OR6N1: variants seen among roughly 807,000 people sequenced by gnomAD.
OR6N1 encodes the protein olfactory receptor family 6 subfamily N member 1.
For synonymous variants in OR6N1, 170 were observed against 150.7 expected (o/e 1.13, Z -0.94); for missense variants, 394 against 371.7 (o/e 1.06, Z -0.49).
chr1:158,818,901 G>A, the OR6N1 span, among the ~76,000 whole-genome samples: 1 of 152,150 alleles, frequency 6.6e-6, no homozygotes, highest in Non-Finnish European at 1.5e-5. Flanking sequence ...GAACATGAGA[G>A]CTAGACTTAT....
the OR6N1 span, among the ~76,000 whole-genome samples, chr1:158,799,419 G>A: frequency 5.3e-5 from 8 of 152,172 alleles, no homozygotes; most frequent in African/African-American, 7.2e-5. Flanking sequence ...GGTCATTCAA[G>A]TGAAAGGTCA....
At chr1:158,816,982 G>A in the OR6N1 span, among the ~76,000 whole-genome samples, 1 of 152,146 alleles carries the variant, frequency 6.6e-6, no homozygotes, top group African/African-American at 2.4e-5. Flanking sequence ...TGAATCTAGG[G>A]TTGAATTTAT....
chr1:158,835,553 A>C, the OR6N1 span, among the ~76,000 whole-genome samples: 1 of 128,782 alleles, frequency 7.8e-6, no homozygotes, highest in South Asian at 2.3e-4. Flanking sequence ...AAAGAGAGAG[A>C]ATTTACCTTT....
chr1:158,786,003 T>C, the OR6N1 span, among the ~76,000 whole-genome samples: 6 of 151,814 alleles, frequency 4.0e-5, no homozygotes, highest in Non-Finnish European at 8.8e-5. Flanking sequence ...CAAAAATAAA[T>C]ATATGGGACC....
the OR6N1 span, among the ~76,000 whole-genome samples, chr1:158,833,490 T>G: frequency 6.6e-6 from 1 of 152,170 alleles, no homozygotes; most frequent in African/African-American, 2.4e-5. Context: ...ACCATTCCCC[T>G]TTCCTCCAGA....
At chr1:158,810,264 G>T in the OR6N1 span, among the ~76,000 whole-genome samples, 1 of 152,042 alleles carries the variant, frequency 6.6e-6, no homozygotes, top group African/African-American at 2.4e-5. Flanking sequence ...TCATCTAGTT[G>T]TCTTCTTTGG....
chr1:158,835,896 T>G, the OR6N1 span, among the ~76,000 whole-genome samples: 1 of 152,010 alleles, frequency 6.6e-6, no homozygotes, highest in Admixed American at 6.6e-5. Context: ...GATCATTTTT[T>G]TTTTGTCTTT....
At chr1:158,834,326 G>A in the OR6N1 span, among the ~76,000 whole-genome samples, 1 of 148,030 alleles carries the variant, frequency 6.8e-6, no homozygotes, top group African/African-American at 2.5e-5. Context: ...TCCGCCTCCC[G>A]GGTTCACGCC....
At chr1:158,769,722 T>C (rs1040038720) in intron 1 of OR6N1, among the ~76,000 whole-genome samples, 4 of 152,220 alleles carry the variant, frequency 2.6e-5, no homozygotes, top group Non-Finnish European at 4.4e-5. Flanking sequence ...GTCCATCCCA[T>C]ATACAAAAGC....
chr1:158,799,584 C>T, the OR6N1 span, among the ~76,000 whole-genome samples: 18 of 152,276 alleles, frequency 1.2e-4, no homozygotes, highest in Middle Eastern at 3.4e-3. Context: ...TACCTACTAA[C>T]TAATGTTGAA....
intron 1 of OR6N1, among the ~76,000 whole-genome samples, chr1:158,768,952 G>A (rs1292511501): frequency 6.6e-6 from 1 of 151,974 alleles, no homozygotes; most frequent in African/African-American, 2.4e-5. Context: ...AGTTCCTTAA[G>A]GGCAAAGATT....
Position 158,764,867 on chromosome 1 carries a change from A to G in OR6N1, c.*877T>C, listed in dbSNP as rs1416202986. ...ATATTAGGACCACTAAGACAGGTAC[A>G]TGAAACTTGTCAGAACAGAACTGTG... On this transcript the variant is annotated 3_prime_UTR_variant, in exon 2 of 2. Transcript: ENST00000641846. The G allele has an allele frequency of 6.6e-6, 1 of 152,162 alleles. No individual in the cohort carries two copies. The highest frequency in any genetic ancestry group is 1.5e-5 in the Non-Finnish European group (1 of 68,000). 9.4% of individuals were successfully genotyped at this position (152,162 alleles called of 1,614,324 possible).
the OR6N1 span, chr1:158,795,940 C>T: frequency 0.017 from 2,601 of 152,374 alleles, 28 homozygotes; most frequent in Non-Finnish European, 0.028. Flanking sequence ...AATCTCTACA[C>T]ACCATTTTGT....
chr1:158,802,487 A>T, the OR6N1 span, among the ~76,000 whole-genome samples: 3 of 152,012 alleles, frequency 2.0e-5, no homozygotes, highest in Non-Finnish European at 4.4e-5. Context: ...TTTTCATGAG[A>T]AGAGACAATC....
the OR6N1 span, among the ~76,000 whole-genome samples, chr1:158,797,367 C>T: frequency 5.3e-5 from 8 of 152,134 alleles, no homozygotes; most frequent in African/African-American, 1.2e-4. Flanking sequence ...CATGACAAAT[C>T]GGGGGGAAAG....
At chr1:158,783,034 T>A in the OR6N1 span, among the ~76,000 whole-genome samples, 1 of 152,338 alleles carries the variant, frequency 6.6e-6, no homozygotes, top group Non-Finnish European at 1.5e-5. Context: ...TTGACAACGT[T>A]CCCTATTAGA....
At chr1:158,817,392 A>G in the OR6N1 span, among the ~76,000 whole-genome samples, 1 of 152,228 alleles carries the variant, frequency 6.6e-6, no homozygotes, top group Non-Finnish European at 1.5e-5. Flanking sequence ...TCATCTCAGA[A>G]GAGAAACTGC....
rs766768497 is a variant in OR6N1, at chr1:158,766,065, C to T, written c.618G>A (p.Lys206=). The T allele has an allele frequency of 6.2e-7, 1 of 1,614,180 alleles. No homozygotes were observed. The highest frequency in any genetic ancestry group is 2.2e-5 in the East Asian group (1 of 44,878). ...GGATCAGCAGGAAGGTGGCTAGGAT[C>T]TTGCAGGAATTTATAACAAAATCTA... is the stretch of plus-strand genomic sequence containing the variant. ...VLVDFVINSC[K]ILATFLLILC... Residue 206 remains lysine, a synonymous_variant, in exon 2 of 2, where the codon AAG becomes AAA. Coordinates refer to ENST00000641846, the MANE Select transcript of OR6N1 (RefSeq NM_001005185.2).
the OR6N1 span, among the ~76,000 whole-genome samples, chr1:158,794,841 G>A: frequency 7.2e-5 from 11 of 152,188 alleles, no homozygotes; most frequent in African/African-American, 2.7e-4. Context: ...CAACCAGGAG[G>A]TGGTACCCGT....
Sources: gnomAD v4.1 joint callset for allele counts (sites outside exome capture counted in the v4.1 genomes callset) on GRCh38, gnomAD v4.1.1 for gene constraint, MANE v1.5 for transcripts, NCBI Gene and HGNC (gene_info 2026-07-23, HGNC 2026-07-21) for gene names.